The following YIPF5 variants were observed in gnomAD, a reference collection of about 807,000 sequenced individuals.
YIPF5 encodes the protein Yip1 domain family member 5, also known as protein YIPF5.
Under a neutral mutation model 30.4 loss-of-function variants are expected in YIPF5, and 8 were observed. The observed-to-expected ratio is 0.26, with a 90% CI of 0.15 to 0.47. The LOEUF (loss-of-function observed/expected upper bound fraction) is 0.47. Ranked by LOEUF, YIPF5 falls within the 20% of genes least tolerant of loss-of-function variation. YIPF5 has a pLI of 0.99. For missense variants in YIPF5, 282 were observed against 301.8 expected (o/e 0.93, Z 0.49); for synonymous variants, 104 against 107.9 (o/e 0.96, Z 0.23).
At chr5:144,170,426 G>C (rs1224950541) in intron 1 of YIPF5, 109 bp downstream of exon 1, 1 of 172,888 alleles carries the variant, frequency 5.8e-6, no homozygotes, top group Non-Finnish European at 1.2e-5. Context: ...GAATGAGAGC[G>C]AGGGTCTGAG....
chr5:144,166,243 A>G (rs978320988), intron 2 of YIPF5, among the ~76,000 whole-genome samples: 5 of 152,148 alleles, frequency 3.3e-5, no homozygotes, highest in Non-Finnish European at 5.9e-5. Flanking sequence ...GCAAAGTACT[A>G]TTTTTCAAAG....
At chr5:144,165,255 C>T (rs1301360537) in intron 3 of YIPF5, among the ~76,000 whole-genome samples, 177 bp downstream of exon 3, 1 of 152,164 alleles carries the variant, frequency 6.6e-6, no homozygotes, top group Non-Finnish European at 1.5e-5. Flanking sequence ...AAAATCTGGT[C>T]CCCTCTGGCC....
rs149244079 is a variant in YIPF5, at chr5:144,158,638, T to C, written c.*1759A>G. The C allele has an allele frequency of 2.3e-5, 24 of 1,037,524 alleles. No individual in the cohort carries two copies. In the East Asian group the frequency reaches 2.5e-3, roughly 108 times the overall value. 64.3% of individuals were successfully genotyped at this position (1,037,524 alleles called of 1,614,324 possible). On this transcript the variant is annotated 3_prime_UTR_variant, in exon 6 of 6. Coordinates refer to ENST00000274496, the MANE Select transcript of YIPF5 (RefSeq NM_030799.9). ...TGAATTGAAAAAGACAAAAATACTA[T>C]CCAAGAATTACAATAAAAAATTTGG... is the stretch of plus-strand genomic sequence containing the variant.
At position 144,170,642 on chromosome 5, in the gene YIPF5, G is replaced by C. The variant is rs1042931296; in HGVS notation, c.-118C>G. The C allele has an allele frequency of 6.6e-6, 1 of 152,490 alleles. No homozygotes were observed. Among genetic ancestry groups the C allele is most frequent in the African/African-American group, 2.4e-5 (1 of 41,464 alleles). The allele number at this position is 152,490 out of a possible 1,614,324, so 9.4% of individuals were successfully genotyped here. ...CCAGCCCCGTTGCTACGTGTCACAG[G>C]GCCAAAGAACGGCTTCCGGGGCACG... On this transcript the variant is annotated 5_prime_UTR_variant, in exon 1 of 6. Transcript: ENST00000274496.
In YIPF5 at chr5:144,158,705, T is replaced by C; in HGVS notation, c.*1692A>G. On this transcript the variant is annotated 3_prime_UTR_variant, in exon 6 of 6. Transcript: ENST00000274496. ...ATCAAATTACCTTCCAAATTGCTTT[T>C]TTAAAGCAATTTGGTAAGTTTGAAA... 9.8e-7 allele frequency: 1 copy of C among 1,017,274 alleles called. No homozygotes were observed. Among genetic ancestry groups the C allele is most frequent in the Non-Finnish European group, 1.2e-6 (1 of 851,202 alleles). 63.0% of individuals were successfully genotyped at this position (1,017,274 alleles called of 1,614,324 possible). A position where few individuals can be genotyped will look rare whatever the true frequency, so the allele number is the denominator to read the frequency against.
chr5:144,158,745 A>C lies in YIPF5; in HGVS notation c.*1652T>G. 4 of 1,001,320 alleles carry C rather than the reference A, an allele frequency of 4.0e-6. No homozygotes were observed. Among genetic ancestry groups the C allele is most frequent in the Non-Finnish European group, 4.8e-6 (4 of 840,894 alleles). 62.0% of individuals were successfully genotyped at this position (1,001,320 alleles called of 1,614,324 possible). ...TAAGTTTGAAAACCTAGCCCAAAAC[A>C]AATTAATGACAAGTGGGTTTCTCCA... is the stretch of plus-strand genomic sequence containing the variant. On this transcript the variant is annotated 3_prime_UTR_variant, in exon 6 of 6. Transcript: ENST00000274496.
Position 144,160,570 on chromosome 5 carries a change from C to A in YIPF5, c.612-11G>T, listed in dbSNP as rs1561512555. The A allele has an allele frequency of 2.5e-6, 4 of 1,596,496 alleles. No individual in the cohort carries two copies. The highest frequency in any genetic ancestry group is 1.7e-5 in the Admixed American group (1 of 57,274). The stretch of plus-strand genomic sequence containing the variant: ...ATTCCTACCATTCCTCTGTAAACAA[C>A]AAGGAAAAAGGGGGGAGAAGAAAAA... On this transcript the variant is annotated splice_polypyrimidine_tract_variant and intron_variant, in intron 5 of 5. Transcript: ENST00000274496.
intron 2 of YIPF5, 69 bp from the exon 3 acceptor site, chr5:144,165,673 C>A: frequency 6.8e-7 from 1 of 1,463,108 alleles, no homozygotes; most frequent in Non-Finnish European, 9.2e-7. Flanking sequence ...CCCTTAAATT[C>A]CTAAATTTTC....
Position 144,164,134 on chromosome 5 carries a change from C to A in YIPF5, c.406G>T (p.Ala136Ser). Residue 136 changes from alanine (A) to serine (S), a missense_variant, in exon 4 of 6, where the codon GCT becomes TCT. By Grantham distance (99) the Ala-to-Ser change is moderately conservative. Coordinates refer to ENST00000274496, the MANE Select transcript of YIPF5 (RefSeq NM_030799.9). ...ACCAGTAGCAATGTGGCTCCAAAAG[C>A]AAGGCAAAAAACCATTGGACCTGCC... is the stretch of plus-strand genomic sequence containing the variant. Reference protein sequence around the residue: ...DLAGPMVFCLAFGATLLLAGK... With the variant: ...DLAGPMVFCLSFGATLLLAGK... The A allele has an allele frequency of 4.3e-6, 7 of 1,612,274 alleles. No homozygotes were observed. The South Asian group carries it at 7.7e-5, about 18-fold the overall frequency.
chr5:144,166,429 A>G (rs1469618550), intron 2 of YIPF5, among the ~76,000 whole-genome samples: 2 of 152,220 alleles, frequency 1.3e-5, no homozygotes, highest in Non-Finnish European at 2.9e-5. Context: ...TGATGGGACT[A>G]ATCTAATGAT....
In YIPF5 at chr5:144,160,070, G is replaced by A. The variant is rs1751990876; in HGVS notation, c.*327C>T. 9.9e-7 allele frequency: 1 copy of A among 1,013,718 alleles called. No individual in the cohort carries two copies. Among genetic ancestry groups the A allele is most frequent in the Non-Finnish European group, 1.2e-6 (1 of 849,126 alleles). The allele number at this position is 1,013,718 out of a possible 1,614,324, so 62.8% of individuals were successfully genotyped here. A position where few individuals can be genotyped will look rare whatever the true frequency, so the allele number is the denominator to read the frequency against. ...AGAAAGGTTATCAGCTTTGTGTTTG[G>A]TTTCCCACAGTTGATAAAAATCTAT... On this transcript the variant is annotated 3_prime_UTR_variant, in exon 6 of 6. Transcript: ENST00000274496.
chr5:144,164,762 A>G (rs1752154746), intron 3 of YIPF5, among the ~76,000 whole-genome samples: 2 of 152,054 alleles, frequency 1.3e-5, no homozygotes, highest in Admixed American at 6.5e-5. Flanking sequence ...CATCCCACAA[A>G]TATGTCATTT....
intron 2 of YIPF5, among the ~76,000 whole-genome samples, chr5:144,166,182 C>T (rs1752198370): frequency 6.6e-6 from 1 of 152,156 alleles, no homozygotes; most frequent in African/African-American, 2.4e-5. Flanking sequence ...TGAGCACTTG[C>T]TGAATGTAAC....
chr5:144,160,217 A>C lies in YIPF5; in HGVS notation c.*180T>G. 2 of 1,405,108 alleles carry C rather than the reference A, an allele frequency of 1.4e-6. No homozygotes were observed. The highest frequency in any genetic ancestry group is 1.8e-6 in the Non-Finnish European group (2 of 1,081,410). The allele number at this position is 1,405,108 out of a possible 1,614,324, so 87.0% of individuals were successfully genotyped here. A position where few individuals can be genotyped will look rare whatever the true frequency, so the allele number is the denominator to read the frequency against. On this transcript the variant is annotated 3_prime_UTR_variant, in exon 6 of 6. Coordinates refer to ENST00000274496, the MANE Select transcript of YIPF5 (RefSeq NM_030799.9). Reference sequence around the variant, plus strand: ...AGCTAGTCACACCGCAGGTAAATCCAATATAGTATGCAAAAGTTCTATAAA... The same window carrying C: ...AGCTAGTCACACCGCAGGTAAATCCCATATAGTATGCAAAAGTTCTATAAA...
At position 144,158,273 on chromosome 5, in the gene YIPF5, G is replaced by A. The variant is rs1468892250; in HGVS notation, c.*2124C>T. On this transcript the variant is annotated 3_prime_UTR_variant, in exon 6 of 6. Transcript: ENST00000274496. Reference sequence around the variant, plus strand: ...CAACTCTGCATGTAATCAAACTCTAGAACATCAAATGCAACTCCACTGCAT... The same window carrying A: ...CAACTCTGCATGTAATCAAACTCTAAAACATCAAATGCAACTCCACTGCAT... 4.2e-6 allele frequency: 2 copies of A among 476,680 alleles called. No individual in the cohort carries two copies. The highest frequency in any genetic ancestry group is 2.2e-5 in the African/African-American group (1 of 46,494). 29.5% of individuals were successfully genotyped at this position (476,680 alleles called of 1,614,324 possible). A position where few individuals can be genotyped will look rare whatever the true frequency, so the allele number is the denominator to read the frequency against.
Position 144,158,907 on chromosome 5 carries a change from ATC to A in YIPF5, c.*1488_*1489del. 1.0e-6 allele frequency: 1 copy of A among 977,804 alleles called. No homozygotes were observed. The highest frequency in any genetic ancestry group is 1.2e-6 in the Non-Finnish European group (1 of 828,532). The allele number at this position is 977,804 out of a possible 1,614,324, so 60.6% of individuals were successfully genotyped here. A position where few individuals can be genotyped will look rare whatever the true frequency, so the allele number is the denominator to read the frequency against. ...TTTGACATTTCTATTTAGTCTGAAAATCTCTTTAAAAAAAAAAAAAAGGCAGT... is the reference window on the plus strand; with the variant it reads ...TTTGACATTTCTATTTAGTCTGAAAATCTTTAAAAAAAAAAAAAAGGCAGT... On this transcript the variant is annotated 3_prime_UTR_variant, in exon 6 of 6. Transcript: ENST00000274496.
chr5:144,168,239 T>C (rs1023848273), intron 2 of YIPF5, among the ~76,000 whole-genome samples: 1 of 152,118 alleles, frequency 6.6e-6, no homozygotes, highest in African/African-American at 2.4e-5. Flanking sequence ...CTGAAATGAC[T>C]GTTAAAGGGA....
chr5:144,164,800 A>C (rs188274495), intron 3 of YIPF5, among the ~76,000 whole-genome samples: 93 of 152,202 alleles, frequency 6.1e-4, no homozygotes, highest in Non-Finnish European at 1.2e-3. Context: ...AAGGGTATGG[A>C]TCTGATGAAA....
chr5:144,169,544 A>G (rs1215136206), intron 2 of YIPF5, among the ~76,000 whole-genome samples: 1 of 152,212 alleles, frequency 6.6e-6, no homozygotes, highest in Non-Finnish European at 1.5e-5. Flanking sequence ...TAGGTACCTG[A>G]AGCTCCCATC....
Sources: gnomAD v4.1 joint callset for allele counts (sites outside exome capture counted in the v4.1 genomes callset) on GRCh38, gnomAD v4.1.1 for gene constraint, MANE v1.5 for transcripts, NCBI Gene and HGNC (gene_info 2026-07-23, HGNC 2026-07-21) for gene names.